FOCAD: variants seen among roughly 807,000 people sequenced by gnomAD.
FOCAD encodes focadhesin.
FOCAD carries 198 observed loss-of-function variants against 225.6 expected under a neutral mutation model. That is an observed-to-expected ratio of 0.88 (90% CI 0.78 to 0.99). The LOEUF (loss-of-function observed/expected upper bound fraction) is 0.99. FOCAD is among the 50% of genes least tolerant of loss of function. FOCAD has a pLI of 0.00. For missense variants in FOCAD, 2,713 were observed against 2,123.6 expected (o/e 1.28, Z -5.46); for synonymous variants, 897 against 755.0 (o/e 1.19, Z -3.08).
intron 25 of FOCAD, among the ~76,000 whole-genome samples, chr9:20,926,009 G>A (rs113766758): frequency 5.3e-4 from 80 of 152,192 alleles, no homozygotes; most frequent in African/African-American, 1.9e-3. Context: ...TTCATTCAAC[G>A]CAGGAGAGCT....
In FOCAD at chr9:20,988,443, G is replaced by C. The variant is rs770184397; in HGVS notation, c.5004+14G>C. On this transcript the variant is annotated intron_variant, in intron 41 of 43. Transcript: ENST00000338382. ...GCTCTTGACAAGGTAAAATCTAGAG[G>C]AGTAGTTTATAGCTTCCTTAAAATA... 1 of 1,422,566 alleles carries C rather than the reference G, an allele frequency of 7.0e-7. No individual in the cohort carries two copies. The highest frequency in any genetic ancestry group is 9.8e-7 in the Non-Finnish European group (1 of 1,024,986). The allele number at this position is 1,422,566 out of a possible 1,614,324, so 88.1% of individuals were successfully genotyped here.
intron 35 of FOCAD, among the ~76,000 whole-genome samples, chr9:20,965,801 T>C (rs1246003097): frequency 1.3e-5 from 2 of 152,198 alleles, no homozygotes; most frequent in African/African-American, 2.4e-5. Context: ...GCCTTTGTGA[T>C]TGGCTTCTTT....
intron 5 of FOCAD, among the ~76,000 whole-genome samples, chr9:20,749,879 T>A (rs1393238798): frequency 6.6e-6 from 1 of 152,144 alleles, no homozygotes; most frequent in Non-Finnish European, 1.5e-5. Context: ...TCTATTAGGA[T>A]TGATGTGTTT....
chr9:20,894,358 T>G (rs954764446), intron 21 of FOCAD, among the ~76,000 whole-genome samples: 1 of 152,136 alleles, frequency 6.6e-6, no homozygotes, highest in African/African-American at 2.4e-5. Flanking sequence ...AGAATTTTGT[T>G]TGAAGATAAT....
At chr9:20,893,091 T>A (rs552829847) in intron 21 of FOCAD, among the ~76,000 whole-genome samples, 2 of 152,252 alleles carry the variant, frequency 1.3e-5, no homozygotes, top group Non-Finnish European at 2.9e-5. Context: ...ACAGGTGCAG[T>A]TACAGAACAC....
chr9:20,978,512 T>C (rs1840405969), intron 37 of FOCAD, 58 bp downstream of exon 37: 3 of 1,168,514 alleles, frequency 2.6e-6, no homozygotes, highest in Non-Finnish European at 3.7e-6. Context: ...AGGAGGATAT[T>C]AACATTCATT....
At chr9:20,994,357 T>C (rs1032883792) in intron 43 of FOCAD, among the ~76,000 whole-genome samples, 1 of 152,228 alleles carries the variant, frequency 6.6e-6, no homozygotes, top group African/African-American at 2.4e-5. Flanking sequence ...AGCTTGTTCT[T>C]GTCCTTCATG....
Position 20,882,028 on chromosome 9 carries a change from G to T in FOCAD, c.2475G>T (p.Lys825Asn). 1 of 1,613,740 alleles carries T rather than the reference G, an allele frequency of 6.2e-7. No individual in the cohort carries two copies. The highest frequency in any genetic ancestry group is 8.5e-7 in the Non-Finnish European group (1 of 1,179,822). Reference protein sequence around the residue: ...NFILKMYETNKQPGLKPGLAG... With the variant: ...NFILKMYETNNQPGLKPGLAG... ...TATTGAAAATGTATGAAACAAACAAGCAACCAGGACTGAAACCTGGCCTTG... is the reference window on the plus strand; with the variant it reads ...TATTGAAAATGTATGAAACAAACAATCAACCAGGACTGAAACCTGGCCTTG... The change falls in exon 20 of 44, where the codon AAG becomes AAT. Residue 825 changes from lysine to asparagine, a missense_variant. By Grantham distance (94) the Lys-to-Asn change is moderately conservative. Transcript: ENST00000338382.
intron 21 of FOCAD, among the ~76,000 whole-genome samples, chr9:20,885,987 T>G (rs1831072843): frequency 6.6e-6 from 1 of 152,232 alleles, no homozygotes; most frequent in Non-Finnish European, 1.5e-5. Context: ...GTAAAAATAA[T>G]TAGCATTTCT....
chr9:20,762,126 G>T (rs1363507323), intron 6 of FOCAD, among the ~76,000 whole-genome samples: 1 of 152,148 alleles, frequency 6.6e-6, no homozygotes, highest in Non-Finnish European at 1.5e-5. Flanking sequence ...GAAGAAAACC[G>T]ATAAGCCATC....
At position 20,758,133 on chromosome 9, in the gene FOCAD, G is replaced by A. The variant is rs1314398678; in HGVS notation, c.436G>A (p.Asp146Asn). 1.9e-6 allele frequency: 3 copies of A among 1,612,488 alleles called. No individual in the cohort carries two copies. Among genetic ancestry groups the A allele is most frequent in the African/African-American group, 1.3e-5 (1 of 74,824 alleles). ...PLITVLEHRPDCWPVFLQQLT... is the reference protein window; with the variant it reads ...PLITVLEHRPNCWPVFLQQLT... ...GATAACTGTGCTTGAACACAGACCT[G>A]ATTGCTGGCCAGTGTTTTTGCAGCA... The change falls in exon 6 of 44, where the codon GAT (aspartate) becomes AAT (asparagine). Residue 146 changes from aspartate (D) to asparagine (N), a missense_variant. Coordinates refer to ENST00000338382, the MANE Select transcript of FOCAD (RefSeq NM_001375567.1).
chr9:20,724,616 A>T (rs1442574153), intron 4 of FOCAD, among the ~76,000 whole-genome samples: 1 of 152,144 alleles, frequency 6.6e-6, no homozygotes, highest in Non-Finnish European at 1.5e-5. Context: ...TTGCCAGTGG[A>T]TATAATAATT....
intron 15 of FOCAD, among the ~76,000 whole-genome samples, chr9:20,858,207 A>T (rs1396069240): frequency 2.6e-5 from 4 of 151,958 alleles, no homozygotes; most frequent in Non-Finnish European, 5.9e-5. Context: ...ATCAGCAATG[A>T]AGCCATCAGA....
intron 8 of FOCAD, among the ~76,000 whole-genome samples, chr9:20,773,097 A>C (rs1405747718): frequency 6.6e-6 from 1 of 152,160 alleles, no homozygotes; most frequent in Non-Finnish European, 1.5e-5. Context: ...GGTAAAACCC[A>C]TATTTTTCCT....
chr9:20,658,900 A>T (rs1334865676), intron 2 of FOCAD: 1 of 152,302 alleles, frequency 6.6e-6, no homozygotes, highest in Non-Finnish European at 1.5e-5. Context: ...AGTACCTCAG[A>T]ATGTGACTGT....
At chr9:20,660,443 G>A (rs758758521) in intron 2 of FOCAD, among the ~76,000 whole-genome samples, 22 of 152,200 alleles carry the variant, frequency 1.4e-4, no homozygotes, top group Non-Finnish European at 2.8e-4. Flanking sequence ...TCTTGACAAG[G>A]TGATTTGCCT....
At chr9:20,797,746 G>C (rs1198443671) in intron 11 of FOCAD, among the ~76,000 whole-genome samples, 1 of 152,108 alleles carries the variant, frequency 6.6e-6, no homozygotes, top group Non-Finnish European at 1.5e-5. Context: ...CAGATTTTGG[G>C]CTGAGACGAT....
intron 5 of FOCAD, among the ~76,000 whole-genome samples, chr9:20,757,807 G>T (rs980415549): frequency 6.6e-6 from 1 of 152,144 alleles, no homozygotes; most frequent in Admixed American, 6.6e-5. Context: ...CTTGGCCAAA[G>T]TCACAGAACT....
intron 30 of FOCAD, among the ~76,000 whole-genome samples, 188 bp downstream of exon 30, chr9:20,947,008 CT>C (rs1391028638): frequency 6.6e-6 from 1 of 152,198 alleles, no homozygotes; most frequent in Non-Finnish European, 1.5e-5. Context: ...TCCTTATCCC[CT>C]GTCTCATTCT....
Sources: allele counts gnomAD v4.1 joint callset (sites outside exome capture counted in the v4.1 genomes callset), GRCh38; gene constraint gnomAD v4.1.1; transcripts MANE v1.5; gene names NCBI Gene and HGNC (gene_info 2026-07-23, HGNC 2026-07-21).